ZBTB20: variants seen among roughly 807,000 people sequenced by gnomAD.
ZBTB20 encodes zinc finger and BTB domain-containing protein 20.
ZBTB20 carries 9 observed loss-of-function variants against 56.9 expected under a neutral mutation model. That is an observed-to-expected ratio of 0.16 (90% CI 0.10 to 0.28). The LOEUF (loss-of-function observed/expected upper bound fraction) is 0.28, where lower values mean the gene tolerates loss of function less well. ZBTB20 is among the 10% of genes least tolerant of loss of function. The probability of loss-of-function intolerance (pLI) is 1.00; values close to 1 mark genes in which losing one functional copy is unlikely to be tolerated. For missense variants in ZBTB20, 655 were observed against 1,003.0 expected, an observed-to-expected ratio of 0.65 and a Z score of 4.69; for synonymous variants, 417 against 420.7, an observed-to-expected ratio of 0.99 and a Z score of 0.11.
At chr3:114,987,819 A>G (rs546815695) in intron 2 of ZBTB20, among the ~76,000 whole-genome samples, 2 of 152,270 alleles carry the variant, frequency 1.3e-5, no homozygotes, top group Non-Finnish European at 2.9e-5. Context: ...GGTATCAGCA[A>G]AAAGTACCTG....
At chr3:114,786,777 T>C (rs918791054) in intron 5 of ZBTB20, among the ~76,000 whole-genome samples, 2 of 152,010 alleles carry the variant, frequency 1.3e-5, no homozygotes, top group South Asian at 4.1e-4. Context: ...AAAATACTAA[T>C]ATCAAGTATT....
chr3:114,895,125 T>C (rs1486107730), intron 4 of ZBTB20, among the ~76,000 whole-genome samples: 1 of 152,160 alleles, frequency 6.6e-6, no homozygotes, highest in Non-Finnish European at 1.5e-5. Flanking sequence ...ATCATACATA[T>C]AAATTCATAA....
At chr3:114,918,671 T>C (rs2107744323) in intron 3 of ZBTB20, among the ~76,000 whole-genome samples, 1 of 152,258 alleles carries the variant, frequency 6.6e-6, no homozygotes, top group Non-Finnish European at 1.5e-5. Flanking sequence ...TGGAAGCTAG[T>C]GCCTAAAGTG....
chr3:114,687,356 T>A (rs1460153005), intron 6 of ZBTB20: 4 of 151,918 alleles, frequency 2.6e-5, no homozygotes, highest in Non-Finnish European at 5.9e-5. Context: ...CAAATTCATG[T>A]ACCGGCACTA....
At chr3:114,466,470 T>G (rs1448329323) in intron 7 of ZBTB20, among the ~76,000 whole-genome samples, 2 of 152,200 alleles carry the variant, frequency 1.3e-5, no homozygotes, top group African/African-American at 4.8e-5. Context: ...GCCTATTCTT[T>G]TTTAAGACTT....
At chr3:114,707,676 C>A (rs530924696) in intron 5 of ZBTB20, among the ~76,000 whole-genome samples, 1 of 152,016 alleles carries the variant, frequency 6.6e-6, no homozygotes, top group South Asian at 2.1e-4. Flanking sequence ...ATTTTTTTTT[C>A]CTCCCCACAA....
intron 7 of ZBTB20, among the ~76,000 whole-genome samples, chr3:114,432,848 T>G (rs967976907): frequency 1.8e-4 from 28 of 152,172 alleles, no homozygotes; most frequent in Non-Finnish European, 2.1e-4. Flanking sequence ...TTTGTGTGAC[T>G]GGAGAGGACA....
intron 4 of ZBTB20, among the ~76,000 whole-genome samples, chr3:114,838,927 C>T (rs2074247198): frequency 6.6e-6 from 1 of 152,056 alleles, no homozygotes; most frequent in African/African-American, 2.4e-5. Flanking sequence ...GGGGTAGATG[C>T]ATCCCACATT....
intron 1 of ZBTB20, among the ~76,000 whole-genome samples, chr3:115,085,229 T>C (rs779094456): frequency 1.3e-5 from 2 of 151,934 alleles, no homozygotes; most frequent in African/African-American, 4.8e-5. Flanking sequence ...CAAAACACTA[T>C]TGGGTGAATT....
intron 6 of ZBTB20, among the ~76,000 whole-genome samples, chr3:114,639,584 A>T (rs1303101629): frequency 6.6e-6 from 1 of 151,850 alleles, no homozygotes; most frequent in African/African-American, 2.4e-5. Flanking sequence ...GCAAACTGAC[A>T]TTTTTTTAGG....
chr3:114,621,819 GT>G (rs974071978), intron 6 of ZBTB20, among the ~76,000 whole-genome samples: 1 of 152,060 alleles, frequency 6.6e-6, no homozygotes, highest in Non-Finnish European at 1.5e-5. Context: ...GAAAAAATAA[GT>G]AATATTAATA....
intron 3 of ZBTB20, chr3:114,900,740 T>C (rs572068645): frequency 6.6e-6 from 1 of 152,154 alleles, no homozygotes; most frequent in African/African-American, 2.4e-5. Flanking sequence ...CTACTCAGAT[T>C]CATCTGCACT....
chr3:114,358,834 T>C (rs1382573148), intron 10 of ZBTB20, among the ~76,000 whole-genome samples: 2 of 152,174 alleles, frequency 1.3e-5, no homozygotes, highest in Admixed American at 6.5e-5. Flanking sequence ...ATTGGAAACA[T>C]ATATTAATCA....
Position 114,329,647 on chromosome 3 carries a change from A to G in ZBTB20, c.*9358T>C, listed in dbSNP as rs908320811. ...AAATGTCTCAGATAGATATTTCCAA[A>G]TTCTATTTCTATTAGCCTCTGTGGA... On this transcript the variant is annotated 3_prime_UTR_variant, in exon 12 of 12. Transcript: ENST00000675478. 2.2e-4 allele frequency: 31 copies of G among 140,192 alleles called. No individual in the cohort carries two copies. Among genetic ancestry groups the G allele is most frequent in the African/African-American group, 7.1e-4 (27 of 38,036 alleles). The allele number at this position is 140,192 out of a possible 1,614,324, so 8.7% of individuals were successfully genotyped here.
chr3:115,037,143 A>G (rs1458442235), intron 2 of ZBTB20, among the ~76,000 whole-genome samples: 2 of 152,212 alleles, frequency 1.3e-5, no homozygotes, highest in Non-Finnish European at 2.9e-5. Context: ...TTAACTATCA[A>G]TCGTTTTGCT....
In ZBTB20 at chr3:114,880,225, C is replaced by T. The variant is rs186678763; in HGVS notation, c.-417+20079G>A. Among the ~76,000 whole-genome samples, 8 of 152,334 alleles carry T rather than the reference C, an allele frequency of 5.3e-5. No individual in the cohort carries two copies. In the East Asian group the frequency reaches 9.6e-4, roughly 18 times the overall value. On this transcript the variant is annotated intron_variant, in intron 4 of 11. Transcript: ENST00000675478. ...ACTGCCTTAAAGCAAACAGAGACAT[C>T]TCAACTGTGCCAAGTTAGCACGCAG...
intron 1 of ZBTB20, among the ~76,000 whole-genome samples, chr3:115,082,095 T>C (rs2082816741): frequency 6.6e-6 from 1 of 152,208 alleles, no homozygotes; most frequent in South Asian, 2.1e-4. Flanking sequence ...GCCTTGCAAA[T>C]GAAAAACCTG....
chr3:114,930,268 A>C (rs2076305587), intron 3 of ZBTB20, among the ~76,000 whole-genome samples: 1 of 152,214 alleles, frequency 6.6e-6, no homozygotes, highest in East Asian at 1.9e-4. Context: ...AACAAGCTAC[A>C]ACAGCAGAAA....
At chr3:114,434,730 A>C (rs1219049023) in intron 7 of ZBTB20, among the ~76,000 whole-genome samples, 2 of 152,116 alleles carry the variant, frequency 1.3e-5, no homozygotes, top group Non-Finnish European at 2.9e-5. Flanking sequence ...ATTCTCAAAC[A>C]CAGTATTTGA....
Sources: gnomAD v4.1 joint callset for allele counts (sites outside exome capture counted in the v4.1 genomes callset) on GRCh38, gnomAD v4.1.1 for gene constraint, MANE v1.5 for transcripts, NCBI Gene and HGNC (gene_info 2026-07-23, HGNC 2026-07-21) for gene names.